The following PAPPA2 variants were observed in gnomAD, a reference collection of about 807,000 sequenced individuals.
PAPPA2 encodes the protein pappalysin-2.
A neutral mutation model predicts 176.4 loss-of-function variants in PAPPA2; 86 were observed. The observed-to-expected ratio is 0.49, with a 90% CI of 0.41 to 0.58. The LOEUF is 0.58. Ranked by LOEUF, PAPPA2 falls within the 20% of genes least tolerant of loss-of-function variation. PAPPA2 has a pLI of 0.00. For missense variants in PAPPA2, 2,073 were observed against 2,256.9 expected (o/e 0.92, Z 1.65); for synonymous variants, 809 against 852.2 (o/e 0.95, Z 0.88).
chr1:176,725,710 GCA>G (rs887209985), intron 12 of PAPPA2, among the ~76,000 whole-genome samples: 14 of 152,058 alleles, frequency 9.2e-5, no homozygotes, highest in African/African-American at 1.7e-4. Flanking sequence ...GCACGCGCGC[GCA>G]CACACACACT....
At chr1:176,601,084 A>G (rs1423850236) in intron 3 of PAPPA2, among the ~76,000 whole-genome samples, 1 of 152,198 alleles carries the variant, frequency 6.6e-6, no homozygotes, top group African/African-American at 2.4e-5. Flanking sequence ...GTTAAGAGAT[A>G]CTTAGGTCAT....
chr1:176,771,653 CAT>C (rs1664230748), intron 17 of PAPPA2, among the ~76,000 whole-genome samples: 2 of 152,190 alleles, frequency 1.3e-5, no homozygotes. Flanking sequence ...ATCAATCAAA[CAT>C]AAAATTCAGT....
intron 1 of PAPPA2, among the ~76,000 whole-genome samples, chr1:176,511,785 C>A (rs1338454228): frequency 6.6e-6 from 1 of 152,156 alleles, no homozygotes; most frequent in Non-Finnish European, 1.5e-5. Flanking sequence ...GACATTGGCA[C>A]TCCTGGTTCT....
chr1:176,669,394 T>A (rs1197985237), intron 3 of PAPPA2, among the ~76,000 whole-genome samples: 1 of 152,118 alleles, frequency 6.6e-6, no homozygotes, highest in East Asian at 1.9e-4. Flanking sequence ...GATATCATCA[T>A]CACCCCCAAA....
intron 1 of PAPPA2, among the ~76,000 whole-genome samples, chr1:176,511,847 G>C (rs1278712819): frequency 1.3e-5 from 2 of 152,070 alleles, no homozygotes; most frequent in Non-Finnish European, 2.9e-5. Context: ...CCAGTTCTCT[G>C]GTCTTTGAAC....
At chr1:176,645,729 TCTCCACATCCTC>T (rs1041702942) in intron 3 of PAPPA2, among the ~76,000 whole-genome samples, 2 of 151,752 alleles carry the variant, frequency 1.3e-5, no homozygotes, top group Non-Finnish European at 2.9e-5. Flanking sequence ...GGTATCCCTT[TCTCCACATCCTC>T]ACCAGCATCT....
At chr1:176,721,814 T>A (rs1041737801) in intron 12 of PAPPA2, among the ~76,000 whole-genome samples, 5 of 152,132 alleles carry the variant, frequency 3.3e-5, no homozygotes, top group East Asian at 3.9e-4. Context: ...TTCAAAAAAA[T>A]TTTTTTCAGG....
chr1:176,817,976 C>G (rs1666474619), intron 21 of PAPPA2, among the ~76,000 whole-genome samples: 1 of 151,862 alleles, frequency 6.6e-6, no homozygotes, highest in Non-Finnish European at 1.5e-5. Flanking sequence ...GACATAGAGG[C>G]AGGAAGTTAG....
chr1:176,577,502 G>A lies in PAPPA2; in HGVS notation c.920-17022G>A, dbSNP rs147378828. ...CTGTGCTCTTATTTGTAAAAGCTTG[G>A]AGTCACAGACAAAAAGCTAAGCCTA... On this transcript the variant is annotated intron_variant, in intron 2 of 22. Transcript: ENST00000367662. Among the ~76,000 whole-genome samples the A allele has an allele frequency of 4.5e-4, 69 of 152,236 alleles. No homozygotes were observed. In the East Asian group the frequency reaches 7.3e-3, roughly 16 times the overall value.
intron 21 of PAPPA2, among the ~76,000 whole-genome samples, chr1:176,804,588 AC>A (rs1312479544): frequency 6.6e-6 from 1 of 151,964 alleles, no homozygotes; most frequent in African/African-American, 2.4e-5. Context: ...TCCACCCACC[AC>A]CCACCCTCAA....
chr1:176,500,236 T>A (rs1647878088), intron 1 of PAPPA2, among the ~76,000 whole-genome samples: 1 of 152,114 alleles, frequency 6.6e-6, no homozygotes, highest in Admixed American at 6.5e-5. Context: ...TTTTCCTATT[T>A]ACTTTTACAG....
chr1:176,791,284 T>A, intron 18 of PAPPA2, 63 bp from the exon 19 acceptor site: 1 of 1,385,450 alleles, frequency 7.2e-7, no homozygotes, highest in Non-Finnish European at 9.8e-7. Flanking sequence ...ATCAGACCAC[T>A]TTTTTCAACT....
intron 6 of PAPPA2, among the ~76,000 whole-genome samples, chr1:176,694,588 C>T (rs1415345815): frequency 6.6e-6 from 1 of 152,144 alleles, no homozygotes; most frequent in African/African-American, 2.4e-5. Flanking sequence ...TTGATGCCTC[C>T]GTTTTCAGAT....
intron 2 of PAPPA2, among the ~76,000 whole-genome samples, chr1:176,571,135 C>T (rs1652305340): frequency 6.6e-6 from 1 of 152,152 alleles, no homozygotes; most frequent in African/African-American, 2.4e-5. Flanking sequence ...GCTCCTCATA[C>T]ACACAGAACT....
intron 3 of PAPPA2, among the ~76,000 whole-genome samples, chr1:176,628,841 G>A (rs1250402194): frequency 6.6e-6 from 1 of 152,192 alleles, no homozygotes; most frequent in Non-Finnish European, 1.5e-5. Context: ...TATGGATAAA[G>A]TTCGATCTTT....
chr1:176,536,681 C>A (rs186746846), intron 1 of PAPPA2, among the ~76,000 whole-genome samples: 15 of 152,300 alleles, frequency 9.8e-5, no homozygotes, highest in African/African-American at 3.1e-4. Context: ...AAGACCATGG[C>A]AAAGCAGCAA....
At chr1:176,496,981 T>G (rs1157909264) in intron 1 of PAPPA2, among the ~76,000 whole-genome samples, 2 of 146,642 alleles carry the variant, frequency 1.4e-5, no homozygotes, top group African/African-American at 5.0e-5. Flanking sequence ...TCCCTCAACC[T>G]TTTTTTTTTA....
intron 17 of PAPPA2, among the ~76,000 whole-genome samples, chr1:176,771,783 A>C (rs576748026): frequency 6.6e-6 from 1 of 152,314 alleles, no homozygotes; most frequent in African/African-American, 2.4e-5. Flanking sequence ...CATGGCAAGA[A>C]ACACTTTTCC....
intron 12 of PAPPA2, among the ~76,000 whole-genome samples, chr1:176,726,717 T>C (rs1158302968): frequency 6.6e-6 from 1 of 152,198 alleles, no homozygotes; most frequent in Non-Finnish European, 1.5e-5. Context: ...AATTTGTGAT[T>C]ATCTTTGTTT....
Sources: gnomAD v4.1 joint callset for allele counts (sites outside exome capture counted in the v4.1 genomes callset) on GRCh38, gnomAD v4.1.1 for gene constraint, MANE v1.5 for transcripts, NCBI Gene and HGNC (gene_info 2026-07-23, HGNC 2026-07-21) for gene names.